The following B9D1 variants were observed in gnomAD, a reference collection of about 807,000 sequenced individuals.
The protein encoded by B9D1 is B9 domain containing 1.
Under a neutral mutation model 26.1 loss-of-function variants are expected in B9D1, and 20 were observed. The observed-to-expected ratio is 0.77, with a 90% CI of 0.54 to 1.12. B9D1 has a LOEUF of 1.12. Ranked by LOEUF, B9D1 falls within the 50% of genes most tolerant of loss-of-function variation. B9D1 has a pLI of 0.00. For synonymous variants in B9D1, 105 were observed against 103.1 expected (o/e 1.02, Z -0.11); for missense variants, 260 against 273.7 (o/e 0.95, Z 0.35).
chr17:19,335,298 C>G (rs1039248701), downstream of B9D1: 4 of 1,146,572 alleles, frequency 3.5e-6, no homozygotes, highest in Non-Finnish European at 4.9e-6. Flanking sequence ...TCCTGAGAGG[C>G]TATTTTTCTT....
rs763815062 is a variant in B9D1, at chr17:19,362,605, C to T, written c.-36G>A. ...GGGGTGCCGGGGGGACCCACCTAGG[C>T]CGCGCGCGGTTGCTAAGAGACGCCG... is the stretch of plus-strand genomic sequence containing the variant. On this transcript the variant is annotated 5_prime_UTR_variant, in exon 1 of 7. Coordinates refer to ENST00000261499, the MANE Select transcript of B9D1 (RefSeq NM_015681.6). 6.3e-7 allele frequency: 1 copy of T among 1,578,292 alleles called. No individual in the cohort carries two copies. The highest frequency in any genetic ancestry group is 8.6e-7 in the Non-Finnish European group (1 of 1,161,722).
intron 3 of B9D1, among the ~76,000 whole-genome samples, chr17:19,350,413 G>C (rs536525799): frequency 6.6e-6 from 1 of 151,970 alleles, no homozygotes; most frequent in Non-Finnish European, 1.5e-5. Context: ...GGGTGTGGTC[G>C]CATGTGCCTG....
At chr17:19,354,082 C>G (rs1443765708) in intron 3 of B9D1, among the ~76,000 whole-genome samples, 1 of 152,182 alleles carries the variant, frequency 6.6e-6, no homozygotes, top group East Asian at 1.9e-4. Context: ...ATTATTCCAT[C>G]AGTATTTCTT....
chr17:19,360,307 G>C lies in B9D1; in HGVS notation c.132+13C>G. On this transcript the variant is annotated intron_variant, in intron 2 of 6. Coordinates refer to ENST00000261499, the MANE Select transcript of B9D1 (RefSeq NM_015681.6). ...CATGAAGGCGGTAAGGGAGGCCCAA[G>C]AGTCCAGCTTACCGCTGTGGGGGCC... The C allele has an allele frequency of 6.2e-7, 1 of 1,613,640 alleles. No homozygotes were observed. The highest frequency in any genetic ancestry group is 8.5e-7 in the Non-Finnish European group (1 of 1,179,728).
upstream of B9D1, among the ~76,000 whole-genome samples, chr17:19,365,996 C>G (rs540699947): frequency 2.8e-4 from 43 of 152,066 alleles, 1 homozygote; most frequent in South Asian, 8.7e-3. The surrounding 1 kb of genome is among the most constrained non-coding windows in gnomAD (Gnocchi z 5.0). Flanking sequence ...CTCATCATCT[C>G]CTACCTATCC....
At position 19,362,579 on chromosome 17, in the gene B9D1, G is replaced by T; in HGVS notation, c.-10C>A. On this transcript the variant is annotated 5_prime_UTR_variant, in exon 1 of 7. Transcript: ENST00000261499. ...GACTCGCGGTCGCCATGGCAGGTCT[G>T]GGGGTGCCGGGGGGACCCACCTAGG... 1 of 1,586,912 alleles carries T rather than the reference G, an allele frequency of 6.3e-7. No homozygotes were observed. The highest frequency in any genetic ancestry group is 1.8e-5 in the Admixed American group (1 of 56,758).
chr17:19,341,065 T>G (rs2152249176), downstream of B9D1: 1 of 1,175,150 alleles, frequency 8.5e-7, no homozygotes, highest in East Asian at 3.3e-5. Context: ...GTGTTCACTG[T>G]AAAATGATGT....
At chr17:19,342,019 G>A (rs1908025315), downstream of B9D1, among the ~76,000 whole-genome samples, 1 of 152,162 alleles carries the variant, frequency 6.6e-6, no homozygotes, top group Admixed American at 6.5e-5. Flanking sequence ...GCCTTCACCA[G>A]TAACAAGAGA....
exon 1 of B9D1, chr17:19,377,887 T>C: frequency 1.0e-5 from 10 of 985,220 alleles, no homozygotes; most frequent in Non-Finnish European, 1.2e-5. Context: ...CGAGCTGCAG[T>C]CCAACTTGGC....
rs1357861569 is a variant in B9D1 at position 19,372,136 on chromosome 17, C to T, written c.-298+5723G>A. 6.6e-6 allele frequency: 1 copy of T among 152,332 alleles called. No homozygotes were observed. The highest frequency in any genetic ancestry group is 1.9e-4 in the East Asian group (1 of 5,198). 9.4% of individuals were successfully genotyped at this position (152,332 alleles called of 1,614,324 possible). ...TTACACACTGAAGATGCTGCTGGAA[C>T]ACCGCAGGGACTGGGCGGAGCGGGG... On this transcript the variant is annotated intron_variant, in intron 1 of 5. Transcript: ENST00000477478. This position sits in a 1 kb window ranked among gnomAD's most constrained non-coding sequence, Gnocchi z 4.4.
chr17:19,355,646 G>A (rs1320966304), intron 3 of B9D1, among the ~76,000 whole-genome samples: 2 of 151,184 alleles, frequency 1.3e-5, no homozygotes, highest in African/African-American at 2.4e-5. Flanking sequence ...TGGCTAACAC[G>A]GTGAAACCCC....
chr17:19,348,416 A>G (rs2152263100), intron 3 of B9D1, among the ~76,000 whole-genome samples: 1 of 152,300 alleles, frequency 6.6e-6, no homozygotes, highest in South Asian at 2.1e-4. Flanking sequence ...ATTGAGGCGC[A>G]TGAGGCACTT....
intron 1 of B9D1, among the ~76,000 whole-genome samples, chr17:19,375,453 T>C (rs1271110249): frequency 6.6e-6 from 1 of 151,816 alleles, no homozygotes; most frequent in African/African-American, 2.4e-5. Flanking sequence ...ATGGCTATAA[T>C]TAAAAAATAA....
At chr17:19,351,049 G>A (rs1952786923) in intron 3 of B9D1, among the ~76,000 whole-genome samples, 1 of 152,128 alleles carries the variant, frequency 6.6e-6, no homozygotes, top group Non-Finnish European at 1.5e-5. Context: ...ATGTTGGCCA[G>A]GCTGGTCTCA....
At chr17:19,335,101 T>A (rs1907339356), downstream of B9D1, 1 of 218,066 alleles carries the variant, frequency 4.6e-6, no homozygotes, top group Non-Finnish European at 9.0e-6. Context: ...AATGCCTTAT[T>A]GAAAAACTAA....
intron 3 of B9D1, among the ~76,000 whole-genome samples, chr17:19,349,710 G>A (rs1909334572): frequency 6.6e-6 from 1 of 152,090 alleles, no homozygotes; most frequent in African/African-American, 2.4e-5. Flanking sequence ...TTTATAGTGT[G>A]TATATGTGTG....
In B9D1 at chr17:19,347,803, C is replaced by T. The variant is rs773056053; in HGVS notation, c.322G>A (p.Val108Met). The T allele has an allele frequency of 1.4e-5, 23 of 1,613,844 alleles. No individual in the cohort carries two copies. Among genetic ancestry groups the T allele is most frequent in the East Asian group, 2.2e-5 (1 of 44,856 alleles). ...ACCTACCGGCCAGGTGAGAAGGGCA[C>T]GTGCACGGCCCCATAGCCTCGAACC... is the stretch of plus-strand genomic sequence containing the variant. ...DVVRGYGAVHVPFSPGRHKRT... is the reference protein window; with the variant it reads ...DVVRGYGAVHMPFSPGRHKRT... The change falls in exon 4 of 7, where the codon GTG (valine) becomes ATG (methionine). Residue 108 changes from valine to methionine, a missense_variant. By Grantham distance (21) the Val-to-Met change is conservative. Coordinates refer to ENST00000261499, the MANE Select transcript of B9D1 (RefSeq NM_015681.6). This position sits in a 1 kb window ranked among gnomAD's most constrained non-coding sequence, Gnocchi z 4.3.
At chr17:19,373,763 G>A (rs763222269) in intron 1 of B9D1, among the ~76,000 whole-genome samples, 1 of 152,108 alleles carries the variant, frequency 6.6e-6, no homozygotes, top group Non-Finnish European at 1.5e-5. Flanking sequence ...TTGACCTCAG[G>A]TGATCCCCCA....
At chr17:19,335,273 G>C, downstream of B9D1, 1 of 847,906 alleles carries the variant, frequency 1.2e-6, no homozygotes, top group South Asian at 2.3e-5. Flanking sequence ...TTGACTTTCA[G>C]CCTTTTTGGC....
Sources: allele counts gnomAD v4.1 joint callset (sites outside exome capture counted in the v4.1 genomes callset), GRCh38; gene constraint gnomAD v4.1.1; non-coding constraint Gnocchi (gnomAD v3.1); transcripts MANE v1.5; gene names NCBI Gene and HGNC (gene_info 2026-07-23, HGNC 2026-07-21).